The following SUCNR1 variants were observed in gnomAD, a reference collection of about 807,000 sequenced individuals.
SUCNR1 encodes the protein G-protein coupled receptor 91.
Under a neutral mutation model 2.4 loss-of-function variants are expected in SUCNR1, and 5 were observed. That is an observed-to-expected ratio of 2.07 (90% CI 1.08 to 4.36). The LOEUF is 4.36. Ranked by LOEUF, SUCNR1 falls within the 30% of genes most tolerant of loss-of-function variation. The probability of loss-of-function intolerance (pLI) is 0.00; values close to 1 mark genes in which losing one functional copy is unlikely to be tolerated. For missense variants in SUCNR1, 373 were observed against 399.2 expected (o/e 0.93, Z 0.56); for synonymous variants, 162 against 143.9 (o/e 1.13, Z -0.90).
Position 151,881,554 on chromosome 3 carries a change from T to C in SUCNR1, c.*6T>C. On this transcript the variant is annotated 3_prime_UTR_variant, in exon 3 of 3. Coordinates refer to ENST00000362032, the MANE Select transcript of SUCNR1 (RefSeq NM_033050.6). ...TTTCATTCAGAGAAAAGTGAGGGGCTTGTGAAACAGATTGTTCTACAGATG... is the reference window on the plus strand; with the variant it reads ...TTTCATTCAGAGAAAAGTGAGGGGCCTGTGAAACAGATTGTTCTACAGATG... 6.3e-7 allele frequency: 1 copy of C among 1,577,514 alleles called. No individual in the cohort carries two copies. The highest frequency in any genetic ancestry group is 8.6e-7 in the Non-Finnish European group (1 of 1,166,870).
chr3:151,874,693 T>C (rs551758244), intron 1 of SUCNR1, among the ~76,000 whole-genome samples: 1 of 152,286 alleles, frequency 6.6e-6, no homozygotes, highest in East Asian at 1.9e-4. Flanking sequence ...ATTTGTGCCA[T>C]ACTATTACTT....
intron 1 of SUCNR1, among the ~76,000 whole-genome samples, chr3:151,876,843 A>G (rs1379553317): frequency 6.6e-6 from 1 of 152,164 alleles, no homozygotes; most frequent in Non-Finnish European, 1.5e-5. Flanking sequence ...TGCTTTGTAA[A>G]TAGTCAGGTG....
intron 1 of SUCNR1, among the ~76,000 whole-genome samples, chr3:151,875,362 C>T (rs1001765584): frequency 6.6e-6 from 1 of 151,938 alleles, no homozygotes; most frequent in African/African-American, 2.4e-5. Flanking sequence ...AATTGCGATG[C>T]CACACTAAAA....
intron 1 of SUCNR1, among the ~76,000 whole-genome samples, chr3:151,874,692 ATACTAT>A (rs1559856168): frequency 2.6e-5 from 4 of 152,142 alleles, no homozygotes; most frequent in Admixed American, 2.6e-4. Context: ...AATTTGTGCC[ATACTAT>A]TACTTTTTAA....
intron 1 of SUCNR1, among the ~76,000 whole-genome samples, chr3:151,879,647 T>C (rs1718027870): frequency 6.6e-6 from 1 of 152,220 alleles, no homozygotes; most frequent in Admixed American, 6.5e-5. Context: ...AGGCATGGCA[T>C]CTTTCAATAA....
At position 151,881,453 on chromosome 3, in the gene SUCNR1, G is replaced by C; in HGVS notation, c.910G>C (p.Asp304His). 1 of 1,614,028 alleles carries C rather than the reference G, an allele frequency of 6.2e-7. No individual in the cohort carries two copies. The highest frequency in any genetic ancestry group is 8.5e-7 in the Non-Finnish European group (1 of 1,179,970). ...FYFLLGDHFR[D>H]MLMNQLRHNF... ...TTTTCTTTTGGGAGATCACTTCAGG[G>C]ACATGCTGATGAATCAACTGAGACA... The change falls in exon 3 of 3, where the codon GAC becomes CAC. Residue 304 changes from aspartate (D) to histidine (H), a missense_variant. Physicochemically the swap from Asp to His is moderately conservative, Grantham distance 81. Coordinates refer to ENST00000362032, the MANE Select transcript of SUCNR1 (RefSeq NM_033050.6).
Position 151,881,006 on chromosome 3 carries a change from C to T in SUCNR1, c.463C>T (p.Leu155=), listed in dbSNP as rs1317574796. The change falls in exon 3 of 3, where the codon CTA becomes TTA. Residue 155 remains leucine, a synonymous_variant. Transcript: ENST00000362032. ...TTGGGTTTTAGTAACCTTAGAGTTA[C>T]TACCCATACTTCCCCTTATAAATCC... ...AIWVLVTLEL[L]PILPLINPVI... 4 of 1,614,140 alleles carry T rather than the reference C, an allele frequency of 2.5e-6. No homozygotes were observed. The Admixed American group carries it at 6.7e-5, about 27-fold the overall frequency.
chr3:151,881,475 G>A lies in SUCNR1; in HGVS notation c.932G>A (p.Arg311Lys). 2 of 1,613,930 alleles carry A rather than the reference G, an allele frequency of 1.2e-6. No individual in the cohort carries two copies. The highest frequency in any genetic ancestry group is 1.7e-6 in the Non-Finnish European group (2 of 1,179,926). The change falls in exon 3 of 3, where the codon AGA (arginine) becomes AAA (lysine). Residue 311 changes from arginine to lysine, a missense_variant. Arg to Lys is a conservative substitution (Grantham distance 26). Coordinates refer to ENST00000362032, the MANE Select transcript of SUCNR1 (RefSeq NM_033050.6). Reference protein sequence around the residue: ...HFRDMLMNQLRHNFKSLTSFS... With the variant: ...HFRDMLMNQLKHNFKSLTSFS... Reference sequence around the variant, plus strand: ...AGGGACATGCTGATGAATCAACTGAGACACAACTTCAAATCCCTTACATCC... The same window carrying A: ...AGGGACATGCTGATGAATCAACTGAAACACAACTTCAAATCCCTTACATCC...
intron 1 of SUCNR1, among the ~76,000 whole-genome samples, chr3:151,875,394 T>C (rs1196927476): frequency 1.2e-4 from 18 of 152,266 alleles, no homozygotes; most frequent in Admixed American, 1.1e-3. Flanking sequence ...TATAAACATA[T>C]CCAATTTGAA....
Position 151,881,679 on chromosome 3 carries a change from G to A in SUCNR1, c.*131G>A. On this transcript the variant is annotated 3_prime_UTR_variant, in exon 3 of 3. Transcript: ENST00000362032. ...TAAAGACAAGTTGTACCCAGAGTATGTGAAAAGAATGGGACGACAAGAATG... is the reference window on the plus strand; with the variant it reads ...TAAAGACAAGTTGTACCCAGAGTATATGAAAAGAATGGGACGACAAGAATG... 1.2e-6 allele frequency: 1 copy of A among 834,498 alleles called. No individual in the cohort carries two copies. The highest frequency in any genetic ancestry group is 1.8e-5 in the South Asian group (1 of 55,114). 51.7% of individuals were successfully genotyped at this position (834,498 alleles called of 1,614,324 possible). A position where few individuals can be genotyped will look rare whatever the true frequency, so the allele number is the denominator to read the frequency against.
chr3:151,880,499 C>A, intron 2 of SUCNR1, 60 bp from the exon 3 acceptor site: 1 of 1,216,652 alleles, frequency 8.2e-7, no homozygotes, highest in Non-Finnish European at 1.2e-6. Flanking sequence ...ATGTTCTGCA[C>A]AGTTTTGTCA....
In SUCNR1 at chr3:151,881,871, A is replaced by T. The variant is rs1289201079; in HGVS notation, c.*323A>T. The T allele has an allele frequency of 5.2e-6, 1 of 193,552 alleles. No individual in the cohort carries two copies. Among genetic ancestry groups the T allele is most frequent in the Non-Finnish European group, 1.1e-5 (1 of 94,048 alleles). The allele number at this position is 193,552 out of a possible 1,614,324, so 12.0% of individuals were successfully genotyped here. On this transcript the variant is annotated 3_prime_UTR_variant, in exon 3 of 3. Transcript: ENST00000362032. Reference sequence around the variant, plus strand: ...GATCACTGGTCAGATTGTAAAAAAAAAAAAAATTGTTTTGGCAACATTCTC... The same window carrying T: ...GATCACTGGTCAGATTGTAAAAAAATAAAAAATTGTTTTGGCAACATTCTC...
In SUCNR1 at chr3:151,881,465, A is replaced by G. The variant is rs761952374; in HGVS notation, c.922A>G (p.Asn308Asp). The change falls in exon 3 of 3, where the codon AAT becomes GAT. Residue 308 changes from asparagine to aspartate, a missense_variant. Asn to Asp is a conservative substitution (Grantham distance 23). Around this residue, in one of 3 missense-constraint regions of SUCNR1, gnomAD observed 157 missense variants for 178.7 expected, o/e 0.88. Transcript: ENST00000362032. The part of the protein sequence containing the change: ...LGDHFRDMLM[N>D]QLRHNFKSLT... Reference sequence around the variant, plus strand: ...AGATCACTTCAGGGACATGCTGATGAATCAACTGAGACACAACTTCAAATC... The same window carrying G: ...AGATCACTTCAGGGACATGCTGATGGATCAACTGAGACACAACTTCAAATC... 7 of 1,614,060 alleles carry G rather than the reference A, an allele frequency of 4.3e-6. No homozygotes were observed. The highest frequency in any genetic ancestry group is 5.1e-6 in the Non-Finnish European group (6 of 1,179,956).
chr3:151,880,963 T>C lies in SUCNR1; in HGVS notation c.420T>C (p.Ile140=), dbSNP rs751740480. 1 of 1,614,128 alleles carries C rather than the reference T, an allele frequency of 6.2e-7. No homozygotes were observed. The change falls in exon 3 of 3, where the codon ATT becomes ATC. Residue 140 remains isoleucine, a synonymous_variant. Transcript: ENST00000362032. ...EHLLQKKEFA[I]LISLAIWVLV... ...TTCTGCAAAAGAAAGAGTTTGCTATTTTAATCTCCTTGGCCATTTGGGTTT... is the reference window on the plus strand; with the variant it reads ...TTCTGCAAAAGAAAGAGTTTGCTATCTTAATCTCCTTGGCCATTTGGGTTT...
chr3:151,879,525 C>T (rs1306179738), intron 1 of SUCNR1, among the ~76,000 whole-genome samples: 1 of 152,138 alleles, frequency 6.6e-6, no homozygotes, highest in Non-Finnish European at 1.5e-5. Flanking sequence ...ATCTTTGGAG[C>T]ACAAGGTGAC....
chr3:151,880,322 C>T (rs998088313), intron 2 of SUCNR1, among the ~76,000 whole-genome samples: 2 of 152,178 alleles, frequency 1.3e-5, no homozygotes, highest in Non-Finnish European at 2.9e-5. Context: ...GATTTATTCA[C>T]TGCTGTTATC....
At chr3:151,874,146 A>ATTTTTTTTT (rs56678758) in intron 1 of SUCNR1, among the ~76,000 whole-genome samples, 2 of 60,214 alleles carry the variant, frequency 3.3e-5, no homozygotes, top group Non-Finnish European at 5.9e-5. Flanking sequence ...ATATATATAT[A>ATTTTTTTTT]TTTTTTTTTT....
In SUCNR1 at chr3:151,880,877, T is replaced by G; in HGVS notation, c.334T>G (p.Phe112Val). 3.1e-6 allele frequency: 5 copies of G among 1,614,118 alleles called. No homozygotes were observed. Among genetic ancestry groups the G allele is most frequent in the Non-Finnish European group, 4.2e-6 (5 of 1,180,002 alleles). ...TGCCAACCTCTATACCAGCATTCTC[T>G]TTCTCACTTTTATCAGCATAGATCG... is the stretch of plus-strand genomic sequence containing the variant. The part of the protein sequence containing the change: ...LHANLYTSIL[F>V]LTFISIDRYL... The change falls in exon 3 of 3, where the codon TTT becomes GTT. Residue 112 changes from phenylalanine to valine, a missense_variant. Phe to Val is a conservative substitution (Grantham distance 50, BLOSUM62 -1). Coordinates refer to ENST00000362032, the MANE Select transcript of SUCNR1 (RefSeq NM_033050.6).
In SUCNR1 at chr3:151,881,287, T is replaced by A. The variant is rs1198935904; in HGVS notation, c.744T>A (p.Tyr248Ter). ...TCTTCTCTGTGCTTTTTACACCCTA[T>A]CACGTCATGCGGAATGTGAGGATCG... ...VVIFSVLFTPYHVMRNVRIAS... is the reference protein window; with the variant it reads ...VVIFSVLFTP The change falls in exon 3 of 3, where the codon TAT becomes TAA. Residue 248 changes from tyrosine to a stop codon, truncating the protein, a stop_gained. Transcript: ENST00000362032. LOFTEE classifies it low-confidence loss of function (END_TRUNC). The A allele has an allele frequency of 6.2e-7, 1 of 1,614,080 alleles. No homozygotes were observed. Among genetic ancestry groups the A allele is most frequent in the East Asian group, 2.2e-5 (1 of 44,894 alleles).
Sources: allele counts gnomAD v4.1 joint callset (sites outside exome capture counted in the v4.1 genomes callset), GRCh38; gene constraint gnomAD v4.1.1; regional missense constraint gnomAD v4.1.1; transcripts MANE v1.5; gene names NCBI Gene and HGNC (gene_info 2026-07-23, HGNC 2026-07-21).